The following MINK1 variants were observed in gnomAD, a reference collection of about 807,000 sequenced individuals.
MINK1 encodes misshapen-like kinase 1.
In MINK1, 46 loss-of-function variants were observed where a neutral mutation model predicts 178.4. The observed-to-expected ratio is 0.26, with a 90% CI of 0.20 to 0.33. The LOEUF is 0.33. MINK1 is among the 10% of genes least tolerant of loss of function. The pLI is 1.00. For missense variants in MINK1, 1,366 were observed against 1,814.9 expected (o/e 0.75, Z 4.49); for synonymous variants, 797 against 709.7 (o/e 1.12, Z -1.96).
chr17:4,844,364 T>A (rs979477441), intron 1 of MINK1, among the ~76,000 whole-genome samples: 2 of 152,164 alleles, frequency 1.3e-5, no homozygotes, highest in African/African-American at 4.8e-5. Flanking sequence ...TTTGTGGGCT[T>A]ACTGAGGACT....
intron 1 of MINK1, among the ~76,000 whole-genome samples, chr17:4,852,816 G>A (rs1178287968): frequency 0.028 from 93 of 3,300 alleles, 6 homozygotes; most frequent in Middle Eastern, 0.062. Flanking sequence ...GGGGAGTGTG[G>A]TTTGTGGGGG....
chr17:4,880,934 T>G, intron 2 of MINK1, 50 bp from the exon 3 acceptor site: 1 of 1,434,840 alleles, frequency 7.0e-7, no homozygotes, highest in Non-Finnish European at 9.1e-7. Context: ...AGTCAAGCCC[T>G]CTCTACGCTC....
intron 1 of MINK1, chr17:4,847,265 C>T: frequency 2.2e-6 from 1 of 455,916 alleles, no homozygotes. Flanking sequence ...TTCATTCATT[C>T]AGATGGAGTC....
Position 4,887,525 on chromosome 17 carries a change from AGT to A in MINK1, c.1020-53_1020-52del. On this transcript the variant is annotated intron_variant, in intron 11 of 31. Coordinates refer to ENST00000355280, the MANE Select transcript of MINK1 (RefSeq NM_153827.5). The surrounding 1 kb of genome is among the most constrained non-coding windows in gnomAD (Gnocchi z 7.6). ...ACTCAGGCGGGCCCACGGGGTTGAGAGTGGGAACCAACAGGGTTCTGACCCCA... is the reference window on the plus strand; with the variant it reads ...ACTCAGGCGGGCCCACGGGGTTGAGAGGGAACCAACAGGGTTCTGACCCCA... The A allele has an allele frequency of 7.0e-7, 1 of 1,429,146 alleles. No homozygotes were observed. Among genetic ancestry groups the A allele is most frequent in the East Asian group, 2.5e-5 (1 of 39,708 alleles). The allele number at this position is 1,429,146 out of a possible 1,614,324, so 88.5% of individuals were successfully genotyped here.
At position 4,886,732 on chromosome 17, in the gene MINK1, C is replaced by A; in HGVS notation, c.949+106C>A. 1.6e-6 allele frequency: 2 copies of A among 1,221,092 alleles called. No homozygotes were observed. The highest frequency in any genetic ancestry group is 2.2e-6 in the Non-Finnish European group (2 of 903,102). 75.6% of individuals were successfully genotyped at this position (1,221,092 alleles called of 1,614,324 possible). ...CACCCCTTCCTGCTCCCCTCCTTGGCCCCAGCTCTCCCTGTCCAAGGAGAT... is the reference window on the plus strand; with the variant it reads ...CACCCCTTCCTGCTCCCCTCCTTGGACCCAGCTCTCCCTGTCCAAGGAGAT... On this transcript the variant is annotated intron_variant, in intron 10 of 31. Coordinates refer to ENST00000355280, the MANE Select transcript of MINK1 (RefSeq NM_153827.5). The surrounding 1 kb of genome is among the most constrained non-coding windows in gnomAD (Gnocchi z 6.1).
intron 1 of MINK1, among the ~76,000 whole-genome samples, chr17:4,857,793 C>G (rs1913446480): frequency 6.6e-6 from 1 of 152,052 alleles, no homozygotes; most frequent in Non-Finnish European, 1.5e-5. Flanking sequence ...ACCACACACA[C>G]ACCCTCCTAT....
chr17:4,894,801 C>T lies in MINK1; in HGVS notation c.2917+168C>T, dbSNP rs1969273259. ...GCAAGGAAGAGCCTCTGAGACCCCT[C>T]CTTCCTGTCCCACAGGACAGGAAAT... On this transcript the variant is annotated intron_variant, in intron 24 of 31. Coordinates refer to ENST00000355280, the MANE Select transcript of MINK1 (RefSeq NM_153827.5). The surrounding 1 kb of genome is among the most constrained non-coding windows in gnomAD (Gnocchi z 4.1). The T allele has an allele frequency of 7.8e-6, 5 of 640,532 alleles. No individual in the cohort carries two copies. The highest frequency in any genetic ancestry group is 1.3e-5 in the Non-Finnish European group (5 of 370,386). 39.7% of individuals were successfully genotyped at this position (640,532 alleles called of 1,614,324 possible). A position where few individuals can be genotyped will look rare whatever the true frequency, so the allele number is the denominator to read the frequency against.
intron 1 of MINK1, among the ~76,000 whole-genome samples, chr17:4,843,393 G>A (rs1440744692): frequency 6.6e-6 from 1 of 151,914 alleles, no homozygotes; most frequent in Non-Finnish European, 1.5e-5. Context: ...CAGGAGAATC[G>A]CTTGAACTCA....
chr17:4,834,817 G>A (rs374383598), intron 1 of MINK1: 60 of 520,086 alleles, frequency 1.2e-4, no homozygotes, highest in African/African-American at 1.1e-3. Context: ...ACTGTCTTCT[G>A]GCTTTTGAGT....
intron 13 of MINK1, 82 bp downstream of exon 13, chr17:4,889,845 C>G: frequency 1.0e-6 from 1 of 960,126 alleles, no homozygotes; most frequent in Non-Finnish European, 1.5e-6. Flanking sequence ...GCCCTTCCCC[C>G]TTCTCTCCCC....
Position 4,889,719 on chromosome 17 carries a change from G to T in MINK1, c.1303G>T (p.Ala435Ser), listed in dbSNP as rs758914786. 14 of 1,552,918 alleles carry T rather than the reference G, an allele frequency of 9.0e-6. No individual in the cohort carries two copies. The highest frequency in any genetic ancestry group is 1.2e-5 in the Non-Finnish European group (14 of 1,151,550). Residue 435 changes from alanine (A) to serine (S), a missense_variant, in exon 13 of 32, where the codon GCT becomes TCT. Physicochemically the swap from Ala to Ser is moderately conservative, Grantham distance 99. Transcript: ENST00000355280. Reference sequence around the variant, plus strand: ...GCAGCGGCGGCTGGAGGACATGCAGGCTCTGCGGCGGGAGGAGGAGCGGCG... The same window carrying T: ...GCAGCGGCGGCTGGAGGACATGCAGTCTCTGCGGCGGGAGGAGGAGCGGCG... ...EQQRRLEDMQ[A>S]LRREEERRQA...
intron 1 of MINK1, among the ~76,000 whole-genome samples, chr17:4,868,441 C>A (rs1300838451): frequency 1.3e-5 from 2 of 152,112 alleles, no homozygotes; most frequent in Non-Finnish European, 2.9e-5. Context: ...TTCTGGCAAC[C>A]CCCGTTCTAC....
At chr17:4,868,845 G>C (rs773503200) in intron 1 of MINK1, 3 of 341,426 alleles carry the variant, frequency 8.8e-6, no homozygotes, top group South Asian at 6.1e-5. Context: ...AACCTCCCAG[G>C]CTCAAGCAGT....
intron 1 of MINK1, chr17:4,875,651 A>G (rs2150967085): frequency 3.0e-6 from 1 of 332,130 alleles, no homozygotes; most frequent in East Asian, 9.7e-5. Context: ...ACACGCCTGT[A>G]GTCCCAGCTA....
intron 4 of MINK1, among the ~76,000 whole-genome samples, chr17:4,881,495 C>T (rs1487293315): frequency 1.3e-5 from 2 of 152,200 alleles, no homozygotes; most frequent in South Asian, 4.1e-4. Flanking sequence ...GGGGTCCTGG[C>T]GTTTGCCCCA....
Position 4,871,181 on chromosome 17 carries a change from A to ATTT in MINK1, c.58-7116_58-7114dup, listed in dbSNP as rs148817521. ...CCCTTTTTTTGTTTTGTTTGTTTTA[A>ATTT]TTTTTTTTTTTTTTTTTTTTTTAGA... On this transcript the variant is annotated intron_variant, in intron 1 of 31. Coordinates refer to ENST00000355280, the MANE Select transcript of MINK1 (RefSeq NM_153827.5). 8.9e-4 allele frequency: 120 copies of ATTT among 134,862 alleles called. 2 individuals carry two copies. The highest frequency in any genetic ancestry group is 3.8e-3 in the Middle Eastern group (2 of 524). 8.4% of individuals were successfully genotyped at this position (134,862 alleles called of 1,614,324 possible).
In MINK1 at chr17:4,892,530, C is replaced by T. The variant is rs539977134; in HGVS notation, c.2198+18C>T. On this transcript the variant is annotated intron_variant, in intron 18 of 31. Transcript: ENST00000355280. ...GCCTCTAGGTAATAGAGTTGTCCCCCAACTCACTCTCACCTCTCACTTCTG... is the reference window on the plus strand; with the variant it reads ...GCCTCTAGGTAATAGAGTTGTCCCCTAACTCACTCTCACCTCTCACTTCTG... The T allele has an allele frequency of 2.0e-5, 31 of 1,540,822 alleles. 1 individual carries two copies. In the South Asian group the frequency reaches 3.3e-4, roughly 16 times the overall value.
chr17:4,869,748 T>G (rs1567587938), intron 1 of MINK1, among the ~76,000 whole-genome samples: 1 of 147,576 alleles, frequency 6.8e-6, no homozygotes, highest in African/African-American at 2.4e-5. Context: ...TGGCAGCATC[T>G]CTTTTTTTTT....
intron 1 of MINK1, among the ~76,000 whole-genome samples, chr17:4,848,106 C>G (rs1016883178): frequency 5.9e-5 from 9 of 152,072 alleles, no homozygotes; most frequent in Non-Finnish European, 8.8e-5. Context: ...GAAATATGAC[C>G]TTCAGAATAT....
Sources: gnomAD v4.1 joint callset for allele counts (sites outside exome capture counted in the v4.1 genomes callset) on GRCh38, gnomAD v4.1.1 for gene constraint, Gnocchi (gnomAD v3.1) non-coding constraint, MANE v1.5 for transcripts, NCBI Gene and HGNC (gene_info 2026-07-23, HGNC 2026-07-21) for gene names.